The following DCHS1 variants were observed in gnomAD, a reference collection of about 807,000 sequenced individuals.
DCHS1 encodes the protein protocadherin-16.
In DCHS1, 78 loss-of-function variants were observed where a neutral mutation model predicts 213.9. The observed-to-expected ratio is 0.36, with a 90% CI of 0.30 to 0.44. The LOEUF (loss-of-function observed/expected upper bound fraction) is 0.44, where lower values mean the gene tolerates loss of function less well. Among genes scored for constraint, DCHS1 ranks in the 20% least tolerant of loss-of-function variants. DCHS1 has a pLI of 1.00. For synonymous variants in DCHS1, 1,828 were observed against 1,873.7 expected, an observed-to-expected ratio of 0.98 and a Z score of 0.63; for missense variants, 3,946 against 4,395.9, an observed-to-expected ratio of 0.90 and a Z score of 2.89.
At chr11:6,639,747 C>G (rs1383823685) in intron 2 of DCHS1, 70 bp downstream of exon 2, 3 of 1,344,390 alleles carry the variant, frequency 2.2e-6, no homozygotes, top group Non-Finnish European at 2.0e-6. Flanking sequence ...AGGCTTGGTT[C>G]CTGCTCTGAG....
rs1855767648 is a variant in DCHS1 at position 6,624,854 on chromosome 11, C to T, written c.7161G>A (p.Glu2387=). The T allele has an allele frequency of 1.2e-6, 2 of 1,613,850 alleles. No individual in the cohort carries two copies. The highest frequency in any genetic ancestry group is 1.7e-6 in the Non-Finnish European group (2 of 1,179,840). The stretch of plus-strand genomic sequence containing the variant: ...GAATGGCACTGCCTGGGGGTGTGTG[C>T]TCAAGCAGCATTACCTGAAGTGTGA... ...SQSLYQVMLL[E]HTPPGSAILS... is the part of the protein sequence containing the mutation. The change falls in exon 20 of 21, where the codon GAG becomes GAA. Residue 2387 remains glutamate, a synonymous_variant. Coordinates refer to ENST00000299441, the MANE Select transcript of DCHS1 (RefSeq NM_003737.4).
At chr11:6,637,391 G>T (rs1313843455) in intron 2 of DCHS1, among the ~76,000 whole-genome samples, 1 of 151,910 alleles carries the variant, frequency 6.6e-6, no homozygotes, top group Non-Finnish European at 1.5e-5. Context: ...TCCCTTCTGG[G>T]GGGCAAAGTC....
At position 6,632,655 on chromosome 11, in the gene DCHS1, T is replaced by C. The variant is rs1564865472; in HGVS notation, c.2857A>G (p.Met953Val). Residue 953 changes from methionine (M) to valine (V), a missense_variant, in exon 6 of 21, where the codon ATG becomes GTG. Transcript: ENST00000299441. This position sits in a 1 kb window ranked among gnomAD's most constrained non-coding sequence, Gnocchi z 5.9. The stretch of plus-strand genomic sequence containing the variant: ...CCTCCTGAGGGCCCCAGAGGCCTCA[T>C]AAGCCGTACATGGCCTGTGGTGGGG... ...VDPTTGHVRL[M>V]RPLGPSGGPA... 6.4e-7 allele frequency: 1 copy of C among 1,566,546 alleles called. No individual in the cohort carries two copies. The highest frequency in any genetic ancestry group is 1.9e-5 in the Admixed American group (1 of 52,962).
intron 1 of DCHS1, 67 bp downstream of exon 1, chr11:6,655,496 C>A: frequency 1.1e-6 from 1 of 940,594 alleles, no homozygotes; most frequent in African/African-American, 1.8e-5. Context: ...GCCGCTGCCG[C>A]AGCCCAGGGG....
chr11:6,655,674 C>T lies in DCHS1; in HGVS notation c.-232G>A. 1 of 979,402 alleles carries T rather than the reference C, an allele frequency of 1.0e-6. No individual in the cohort carries two copies. Among genetic ancestry groups the T allele is most frequent in the Non-Finnish European group, 1.2e-6 (1 of 827,078 alleles). 60.7% of individuals were successfully genotyped at this position (979,402 alleles called of 1,614,324 possible). A position where few individuals can be genotyped will look rare whatever the true frequency, so the allele number is the denominator to read the frequency against. ...CCTGAGGCCGCGCATCGTCCGCAGT[C>T]GCTGTCTCCGAGGCCCGCGATCCCC... On this transcript the variant is annotated 5_prime_UTR_variant, in exon 1 of 21. Coordinates refer to ENST00000299441, the MANE Select transcript of DCHS1 (RefSeq NM_003737.4).
chr11:6,629,675 C>T lies in DCHS1; in HGVS notation c.5032G>A (p.Val1678Met), dbSNP rs1179866913. The change falls in exon 11 of 21, where the codon GTG becomes ATG. Residue 1678 changes from valine to methionine, a missense_variant. Physicochemically the swap from Val to Met is conservative, Grantham distance 21. Coordinates refer to ENST00000299441, the MANE Select transcript of DCHS1 (RefSeq NM_003737.4). ...AATTCACCCCCCCAGGTCTTACCCA[C>T]GTCGGGGTCGGTTGCTCGCAGGGTG... is the stretch of plus-strand genomic sequence containing the variant. ...LLTLRATDPD[V>M]GANGQVTYGG... is the part of the protein sequence containing the mutation. 2.5e-6 allele frequency: 4 copies of T among 1,613,298 alleles called. No individual in the cohort carries two copies. In the African/African-American group the frequency reaches 4.0e-5, roughly 16 times the overall value.
Position 6,641,832 on chromosome 11 carries a change from C to G in DCHS1, c.-120-99G>C, listed in dbSNP as rs1487485848. On this transcript the variant is annotated intron_variant, in intron 1 of 20. Transcript: ENST00000299441. The surrounding 1 kb of genome is among the most constrained non-coding windows in gnomAD (Gnocchi z 7.1). Reference sequence around the variant, plus strand: ...ATCAACATTCAGATATGCTCAGCCCCCAGCAGGCCCTTGTGCTGCCTCACA... The same window carrying G: ...ATCAACATTCAGATATGCTCAGCCCGCAGCAGGCCCTTGTGCTGCCTCACA... 1.3e-5 allele frequency: 14 copies of G among 1,079,434 alleles called. 1 individual carries two copies. The East Asian group carries it at 3.4e-4, about 26-fold the overall frequency. The allele number at this position is 1,079,434 out of a possible 1,614,324, so 66.9% of individuals were successfully genotyped here. A position where few individuals can be genotyped will look rare whatever the true frequency, so the allele number is the denominator to read the frequency against.
chr11:6,631,488 A>G (rs986518313), intron 7 of DCHS1, 81 bp from the exon 8 acceptor site: 2 of 1,599,538 alleles, frequency 1.3e-6, no homozygotes, highest in Non-Finnish European at 1.7e-6. Flanking sequence ...ACCTGTGGGC[A>G]GGCAGAACCT....
In DCHS1 at chr11:6,631,464, A is replaced by G. The variant is rs567796598; in HGVS notation, c.3676-57T>C. 9 of 1,610,420 alleles carry G rather than the reference A, an allele frequency of 5.6e-6. No homozygotes were observed. In the African/African-American group the frequency reaches 8.0e-5, roughly 14 times the overall value. On this transcript the variant is annotated intron_variant, in intron 7 of 20. Coordinates refer to ENST00000299441, the MANE Select transcript of DCHS1 (RefSeq NM_003737.4). Reference sequence around the variant, plus strand: ...TTTCCTGTTCTTCAGACAACTCAGGATAAAGCTTCCCTCACCTGTGGGCAG... The same window carrying G: ...TTTCCTGTTCTTCAGACAACTCAGGGTAAAGCTTCCCTCACCTGTGGGCAG...
chr11:6,630,624 C>T lies in DCHS1; in HGVS notation c.4170G>A (p.Leu1390=). The T allele has an allele frequency of 2.6e-6, 4 of 1,540,488 alleles. No individual in the cohort carries two copies. Among genetic ancestry groups the T allele is most frequent in the Non-Finnish European group, 3.5e-6 (4 of 1,148,772 alleles). ...CAGCTTCGAAGTCCAGGGGCCGCGC[C>T]AGGTACAAGCGCCCTGAGGCCGCAT... ...ALDAASGRLY[L]ARPLDFEAGP... Residue 1390 remains leucine (L), a synonymous_variant, in exon 10 of 21, where the codon CTG becomes CTA. Coordinates refer to ENST00000299441, the MANE Select transcript of DCHS1 (RefSeq NM_003737.4).
In DCHS1 at chr11:6,641,203, G is replaced by A. The variant is rs368674448; in HGVS notation, c.411C>T (p.Asn137=). 2.5e-5 allele frequency: 40 copies of A among 1,613,482 alleles called. No homozygotes were observed. The highest frequency in any genetic ancestry group is 3.1e-5 in the Non-Finnish European group (37 of 1,179,878). Residue 137 remains asparagine, a synonymous_variant, in exon 2 of 21, where the codon AAC becomes AAT. Transcript: ENST00000299441. The surrounding 1 kb of genome is among the most constrained non-coding windows in gnomAD (Gnocchi z 7.1). ...VEVTVRVADI[N]DHAPAFPQAR... is the part of the protein sequence containing the mutation. The stretch of plus-strand genomic sequence containing the variant: ...CCTGTGGGAAGGCTGGAGCATGGTC[G>A]TTGATGTCAGCCACTCGCACTGTAA...
intron 1 of DCHS1, among the ~76,000 whole-genome samples, chr11:6,646,199 G>T (rs1203182606): frequency 6.6e-6 from 1 of 151,950 alleles, no homozygotes; most frequent in Non-Finnish European, 1.5e-5. Flanking sequence ...GACTGACAAG[G>T]CGAGCATGCA....
intron 2 of DCHS1, among the ~76,000 whole-genome samples, chr11:6,638,264 C>A (rs1298425351): frequency 6.6e-6 from 1 of 152,212 alleles, no homozygotes; most frequent in Admixed American, 6.5e-5. Context: ...AAGCACCAGC[C>A]TCCTAAGAGG....
Position 6,631,051 on chromosome 11 carries a change from A to T in DCHS1, c.3930+2T>A. Reference sequence around the variant, plus strand: ...AGCCAAGGGGAGGAAGGGCAGCCATACCTGCACCAGCAGCTGGAGGCTGGC... The same window carrying T: ...AGCCAAGGGGAGGAAGGGCAGCCATTCCTGCACCAGCAGCTGGAGGCTGGC... On this transcript the variant is annotated splice_donor_variant, in intron 9 of 20. Coordinates refer to ENST00000299441, the MANE Select transcript of DCHS1 (RefSeq NM_003737.4). LOFTEE classifies it high-confidence loss of function. 1 of 1,605,334 alleles carries T rather than the reference A, an allele frequency of 6.2e-7. No homozygotes were observed.
chr11:6,639,129 T>C (rs932132320), intron 2 of DCHS1, among the ~76,000 whole-genome samples: 5 of 151,108 alleles, frequency 3.3e-5, no homozygotes, highest in African/African-American at 1.2e-4. Flanking sequence ...AAAAAGAAGT[T>C]CAGTGAGCTC....
chr11:6,646,767 G>C (rs1856162021), intron 1 of DCHS1, among the ~76,000 whole-genome samples: 1 of 152,152 alleles, frequency 6.6e-6, no homozygotes, highest in African/African-American at 2.4e-5. Flanking sequence ...CTCATTAGGA[G>C]GGGGAGGGGC....
Position 6,624,157 on chromosome 11 carries a change from T to C in DCHS1, c.7519A>G (p.Thr2507Ala), listed in dbSNP as rs772780083. Residue 2507 changes from threonine (T) to alanine (A), a missense_variant, in exon 21 of 21, where the codon ACA (threonine) becomes GCA (alanine). Around this residue, in one of 3 missense-constraint regions of DCHS1, gnomAD observed 3,384 missense variants for 3,780.1 expected, o/e 0.90. Transcript: ENST00000299441. ...TGGCTGCGGCTTCCATCAGCATCTG[T>C]AGCCTCCAGGGTGAGCAGAGTGGAG... ...PGSTLLTLEA[T>A]DADGSRSHAA... 74 of 1,612,524 alleles carry C rather than the reference T, an allele frequency of 4.6e-5. No individual in the cohort carries two copies. The highest frequency in any genetic ancestry group is 6.2e-5 in the Non-Finnish European group (73 of 1,179,478).
intron 1 of DCHS1, among the ~76,000 whole-genome samples, chr11:6,643,122 T>C (rs578238137): frequency 6.6e-6 from 1 of 150,568 alleles, no homozygotes; most frequent in African/African-American, 2.4e-5. Flanking sequence ...CAGAGAGGGG[T>C]GGTGCCTCTG....
intron 1 of DCHS1, among the ~76,000 whole-genome samples, chr11:6,646,967 G>C (rs1247133638): frequency 2.6e-5 from 4 of 152,158 alleles, no homozygotes; most frequent in African/African-American, 9.7e-5. Context: ...GGAGGAAGTA[G>C]AGGAGTGGCC....
Sources: gnomAD v4.1 joint callset for allele counts (sites outside exome capture counted in the v4.1 genomes callset) on GRCh38, gnomAD v4.1.1 for gene constraint, gnomAD v4.1.1 regional missense constraint, Gnocchi (gnomAD v3.1) non-coding constraint, MANE v1.5 for transcripts, NCBI Gene and HGNC (gene_info 2026-07-23, HGNC 2026-07-21) for gene names.